The following XRN1 variants were observed in gnomAD, a reference collection of about 807,000 sequenced individuals.
XRN1 encodes the protein 5'-3' exoribonuclease 1, also known as strand-exchange protein 1 homolog.
In XRN1, 67 loss-of-function variants were observed where a neutral mutation model predicts 222.3. The ratio of observed to expected loss-of-function variants is 0.30; its 90% CI spans 0.25 to 0.37. The LOEUF (loss-of-function observed/expected upper bound fraction) is 0.37, where lower values mean the gene tolerates loss of function less well. Ranked by LOEUF, XRN1 falls within the 10% of genes least tolerant of loss-of-function variation. The pLI is 1.00. For synonymous variants in XRN1, 643 were observed against 652.4 expected, an observed-to-expected ratio of 0.99 and a Z score of 0.22; for missense variants, 1,707 against 2,000.2, an observed-to-expected ratio of 0.85 and a Z score of 2.80.
At chr3:142,426,599 C>T in intron 3 of XRN1, 145 bp downstream of exon 3, 1 of 701,562 alleles carries the variant, frequency 1.4e-6, no homozygotes, top group South Asian at 2.1e-5. Flanking sequence ...ACCAAATCGT[C>T]TCATGAGCAA....
At chr3:142,356,060 T>A (rs1298680629) in intron 31 of XRN1, among the ~76,000 whole-genome samples, 1 of 152,218 alleles carries the variant, frequency 6.6e-6, no homozygotes, top group Non-Finnish European at 1.5e-5. Context: ...TTGAAAAATA[T>A]TTAAAGCATA....
At chr3:142,365,454 T>A in intron 27 of XRN1, 88 bp from the exon 28 acceptor site, 2 of 993,182 alleles carry the variant, frequency 2.0e-6, no homozygotes, top group Non-Finnish European at 2.8e-6. Flanking sequence ...GTCTGAATTT[T>A]AAAAAGCCAA....
intron 15 of XRN1, among the ~76,000 whole-genome samples, chr3:142,406,504 A>G (rs1226870509): frequency 2.0e-5 from 3 of 152,150 alleles, no homozygotes; most frequent in Non-Finnish European, 4.4e-5. Flanking sequence ...TTTGGGAGAA[A>G]GTAGATGGCA....
At chr3:142,432,919 G>A (rs778747653) in intron 1 of XRN1, 26 bp from the exon 2 acceptor site, 1 of 1,543,800 alleles carries the variant, frequency 6.5e-7, no homozygotes, top group East Asian at 2.3e-5. Flanking sequence ...AAATGCTTGA[G>A]ATCATTTATT....
At chr3:142,414,022 C>G (rs894433479) in intron 14 of XRN1, 113 bp downstream of exon 14, 1 of 1,120,314 alleles carries the variant, frequency 8.9e-7, no homozygotes, top group Admixed American at 2.8e-5. Flanking sequence ...TGGTTTAAAA[C>G]TGAAAATAAC....
intron 6 of XRN1, 106 bp from the exon 7 acceptor site, chr3:142,423,028 T>C (rs1170374578): frequency 1.1e-6 from 1 of 877,624 alleles, no homozygotes; most frequent in East Asian, 2.5e-5. Context: ...GATAGTAAGG[T>C]CTTGTAATTA....
chr3:142,332,601 G>T, intron 35 of XRN1, 67 bp from the exon 36 acceptor site: 1 of 1,359,268 alleles, frequency 7.4e-7, no homozygotes, highest in South Asian at 1.7e-5. Flanking sequence ...TACATCTGTA[G>T]AACTTATTGA....
In XRN1 at chr3:142,425,421, A is replaced by G. The variant is rs890914149; in HGVS notation, c.516+8T>C. ...TTTTAAACTCTTTAAATAAAAAAAG[A>G]TAATAACCTCATGGCCTGAGAAGTA... On this transcript the variant is annotated splice_region_variant and intron_variant, in intron 4 of 40. Transcript: ENST00000392981. 6.2e-7 allele frequency: 1 copy of G among 1,600,642 alleles called. No homozygotes were observed. The highest frequency in any genetic ancestry group is 8.5e-7 in the Non-Finnish European group (1 of 1,173,200).
At chr3:142,395,249 T>C (rs2067884151) in intron 20 of XRN1, among the ~76,000 whole-genome samples, 1 of 152,036 alleles carries the variant, frequency 6.6e-6, no homozygotes, top group Admixed American at 6.6e-5. Context: ...AAAAGTGAGA[T>C]GGTATCAGGG....
intron 20 of XRN1, among the ~76,000 whole-genome samples, chr3:142,391,318 C>T (rs1347997130): frequency 6.6e-6 from 1 of 152,076 alleles, no homozygotes; most frequent in South Asian, 2.1e-4. Flanking sequence ...AAAATAAAAT[C>T]CCCCAAATAG....
intron 37 of XRN1, among the ~76,000 whole-genome samples, chr3:142,328,638 T>A (rs866735389): frequency 3.3e-4 from 48 of 145,452 alleles, no homozygotes; most frequent in Middle Eastern, 3.5e-3. Context: ...TCTACAGATG[T>A]CTATTAGGTG....
intron 21 of XRN1, 105 bp downstream of exon 21, chr3:142,384,418 C>T: frequency 1.2e-6 from 1 of 825,622 alleles, no homozygotes; most frequent in East Asian, 3.1e-5. Context: ...CTCTATTATA[C>T]ATTGCTGAAT....
At chr3:142,316,587 A>G (rs1294930692) in intron 39 of XRN1, among the ~76,000 whole-genome samples, 2 of 152,100 alleles carry the variant, frequency 1.3e-5, no homozygotes, top group African/African-American at 4.8e-5. Flanking sequence ...AACCTTCCTT[A>G]CTGCCAAGAC....
At chr3:142,342,766 A>G (rs1315807442) in intron 33 of XRN1, among the ~76,000 whole-genome samples, 1 of 152,190 alleles carries the variant, frequency 6.6e-6, no homozygotes, top group Non-Finnish European at 1.5e-5. Flanking sequence ...ATCTCTTGCC[A>G]TATACAAAAA....
chr3:142,411,948 G>T (rs554976134), intron 15 of XRN1, among the ~76,000 whole-genome samples: 1 of 151,262 alleles, frequency 6.6e-6, no homozygotes, highest in African/African-American at 2.4e-5. Context: ...TCAGCCTCTC[G>T]AGTAGCTGGG....
chr3:142,389,551 G>A lies in XRN1; in HGVS notation c.2340-4866C>T, dbSNP rs183443293. On this transcript the variant is annotated intron_variant, in intron 20 of 40. Transcript: ENST00000392981. ...CATCAGAGCAGTCACTCAGAGTCTCGCTCTGTTGCCCAGGCTGGAGTGCAG... is the reference window on the plus strand; with the variant it reads ...CATCAGAGCAGTCACTCAGAGTCTCACTCTGTTGCCCAGGCTGGAGTGCAG... 1.9e-3 allele frequency among the ~76,000 whole-genome samples: 294 copies of A among 152,224 alleles called. 2 individuals carry two copies. The highest frequency in any genetic ancestry group is 2.2e-3 in the Non-Finnish European group (148 of 68,032).
Position 142,408,568 on chromosome 3 carries a change from A to G in XRN1, c.1714-3492T>C, listed in dbSNP as rs1171702358. Among the ~76,000 whole-genome samples, 3 of 152,272 alleles carry G rather than the reference A, an allele frequency of 2.0e-5. No individual in the cohort carries two copies. In the East Asian group the frequency reaches 5.8e-4, roughly 29 times the overall value. On this transcript the variant is annotated intron_variant, in intron 15 of 40. Coordinates refer to ENST00000392981, the MANE Select transcript of XRN1 (RefSeq NM_001282857.2). ...AGCATTTCAAATTTCTGATTTTCAG[A>G]TTAGGGATGCTTAATCTGTACCACA...
chr3:142,331,242 A>G (rs181476095), intron 36 of XRN1, among the ~76,000 whole-genome samples: 56 of 152,322 alleles, frequency 3.7e-4, no homozygotes, highest in Non-Finnish European at 4.6e-4. Context: ...CCTTTAGTAG[A>G]TCATTATACA....
intron 20 of XRN1, among the ~76,000 whole-genome samples, chr3:142,385,752 T>C (rs2067476600): frequency 1.3e-5 from 2 of 152,098 alleles, no homozygotes. Context: ...TCCTAATAGA[T>C]AGATATTAAA....
Sources: allele counts gnomAD v4.1 joint callset (sites outside exome capture counted in the v4.1 genomes callset), GRCh38; gene constraint gnomAD v4.1.1; transcripts MANE v1.5; gene names NCBI Gene and HGNC (gene_info 2026-07-23, HGNC 2026-07-21).